Variants in EPHA6 observed in about 807,000 individuals in gnomAD.
The protein encoded by EPHA6 is EPH receptor A6, also known as ephrin type-A receptor 6.
A neutral mutation model predicts 112.0 loss-of-function variants in EPHA6; 50 were observed. The observed-to-expected ratio is 0.45, with a 90% CI of 0.36 to 0.56. The LOEUF is 0.56. Ranked by LOEUF, EPHA6 falls within the 20% of genes least tolerant of loss-of-function variation. The probability of loss-of-function intolerance (pLI) is 0.00; values close to 1 mark genes in which losing one functional copy is unlikely to be tolerated. For synonymous variants in EPHA6, 529 were observed against 490.7 expected (o/e 1.08, Z -1.03); for missense variants, 1,280 against 1,417.4 (o/e 0.90, Z 1.56).
At chr3:96,817,601 A>C (rs1267876520) in intron 1 of EPHA6, among the ~76,000 whole-genome samples, 1 of 151,924 alleles carries the variant, frequency 6.6e-6, no homozygotes, top group Admixed American at 6.6e-5. Context: ...TTAATTTTGA[A>C]ATTTGTTATT....
intron 3 of EPHA6, among the ~76,000 whole-genome samples, chr3:97,006,217 G>T (rs1198227226): frequency 6.6e-6 from 1 of 152,170 alleles, no homozygotes; most frequent in Non-Finnish European, 1.5e-5. Flanking sequence ...TGTATTTCTG[G>T]TAGAGTTCAG....
intron 1 of EPHA6, among the ~76,000 whole-genome samples, chr3:96,856,272 A>G (rs1406248619): frequency 6.6e-6 from 1 of 152,036 alleles, no homozygotes. Flanking sequence ...AGTTTATGAC[A>G]GAAGCAACCT....
intron 6 of EPHA6, 102 bp from the exon 7 acceptor site, chr3:97,448,466 T>C (rs2090422890): frequency 2.5e-6 from 3 of 1,214,912 alleles, no homozygotes; most frequent in Admixed American, 4.1e-5. Flanking sequence ...TCAATACTTT[T>C]GGTATTCAGA....
rs987950713 is a variant in EPHA6 at position 97,209,885 on chromosome 3, C to T, written c.1115-16379C>T. On this transcript the variant is annotated intron_variant, in intron 3 of 17. Transcript: ENST00000389672. ...ACAATTCATTCAATTGAATTGAATA[C>T]GATTCAATTCTAGGTTGAAAGACGA... 6.6e-5 allele frequency among the ~76,000 whole-genome samples: 10 copies of T among 152,054 alleles called. 1 individual carries two copies. Among genetic ancestry groups the T allele is most frequent in the Admixed American group, 1.3e-4 (2 of 15,264 alleles).
intron 11 of EPHA6, among the ~76,000 whole-genome samples, chr3:97,566,409 C>A (rs375753497): frequency 1.3e-5 from 2 of 152,166 alleles, no homozygotes; most frequent in African/African-American, 4.8e-5. Flanking sequence ...CTGGTCAAAT[C>A]CCTCAATTTC....
chr3:97,141,798 G>A (rs775732527), intron 3 of EPHA6, among the ~76,000 whole-genome samples: 4 of 151,808 alleles, frequency 2.6e-5, no homozygotes, highest in African/African-American at 7.3e-5. Flanking sequence ...AATCAAACCC[G>A]ACACTAGCAG....
chr3:96,962,833 A>T (rs566751965), intron 2 of EPHA6, among the ~76,000 whole-genome samples: 1 of 152,094 alleles, frequency 6.6e-6, no homozygotes, highest in Admixed American at 6.6e-5. Flanking sequence ...AATAGAAATT[A>T]GCTGAGTAAG....
intron 3 of EPHA6, among the ~76,000 whole-genome samples, chr3:97,124,591 G>A (rs535987902): frequency 1.3e-5 from 2 of 152,186 alleles, no homozygotes; most frequent in South Asian, 2.1e-4. Context: ...AGATTAGAGC[G>A]AGGTTAGTAA....
chr3:97,387,949 G>A (rs2086166725), intron 5 of EPHA6, among the ~76,000 whole-genome samples: 1 of 152,146 alleles, frequency 6.6e-6, no homozygotes, highest in Admixed American at 6.6e-5. Flanking sequence ...TCTTCACATG[G>A]CTGGCAGAAG....
chr3:97,154,231 A>T (rs551095412), intron 3 of EPHA6, among the ~76,000 whole-genome samples: 1 of 151,654 alleles, frequency 6.6e-6, no homozygotes, highest in African/African-American at 2.4e-5. Flanking sequence ...CCAAATTTGC[A>T]TATATTGGGA....
chr3:96,861,065 C>A (rs2035978722), intron 1 of EPHA6, among the ~76,000 whole-genome samples: 1 of 151,854 alleles, frequency 6.6e-6, no homozygotes, highest in Non-Finnish European at 1.5e-5. Flanking sequence ...CCCGAGTTAT[C>A]CTTTGGTCTC....
chr3:96,845,238 T>G (rs2107343216), intron 1 of EPHA6, among the ~76,000 whole-genome samples: 1 of 152,126 alleles, frequency 6.6e-6, no homozygotes, highest in South Asian at 2.1e-4. Context: ...TGTAAAAAAA[T>G]GTAAGTTGCA....
chr3:97,662,608 G>C (rs776846151), intron 14 of EPHA6, among the ~76,000 whole-genome samples: 8 of 152,130 alleles, frequency 5.3e-5, no homozygotes, highest in Non-Finnish European at 1.2e-4. Flanking sequence ...CCTTAGAGAA[G>C]AATTTTGTGG....
At chr3:97,455,295 G>A (rs886756522) in intron 7 of EPHA6, among the ~76,000 whole-genome samples, 4 of 151,850 alleles carry the variant, frequency 2.6e-5, no homozygotes, top group African/African-American at 9.7e-5. Flanking sequence ...ATCTTTTCTG[G>A]TTACCAAAAC....
At chr3:96,862,492 C>T (rs1486522177) in intron 1 of EPHA6, among the ~76,000 whole-genome samples, 3 of 151,804 alleles carry the variant, frequency 2.0e-5, no homozygotes, top group South Asian at 4.1e-4. Context: ...ATTGATAAAT[C>T]TTTGGACTCA....
At chr3:96,835,631 G>T (rs1473906785) in intron 1 of EPHA6, among the ~76,000 whole-genome samples, 5 of 152,088 alleles carry the variant, frequency 3.3e-5, no homozygotes, top group Non-Finnish European at 5.9e-5. Flanking sequence ...ATGCTAAGTG[G>T]TTTTTGCTTT....
In EPHA6 at chr3:97,514,756, A is replaced by G. The variant is rs573359567; in HGVS notation, c.2201-17602A>G. ...ATTGTTAGCCTCATAGAAGAGAAAG[A>G]GAGAGATCCCTCTCTCTCCACACTC... On this transcript the variant is annotated intron_variant, in intron 10 of 17. Transcript: ENST00000389672. 5.3e-5 allele frequency among the ~76,000 whole-genome samples: 8 copies of G among 152,234 alleles called. No homozygotes were observed. In the South Asian group the frequency reaches 1.7e-3, roughly 32 times the overall value.
At chr3:96,848,901 G>A (rs1650629636) in intron 1 of EPHA6, among the ~76,000 whole-genome samples, 1 of 151,880 alleles carries the variant, frequency 6.6e-6, no homozygotes, top group African/African-American at 2.4e-5. Context: ...TGAAAACATC[G>A]AGGTTCAGTC....
chr3:97,535,419 G>A (rs1213563519), intron 11 of EPHA6, among the ~76,000 whole-genome samples: 3 of 152,116 alleles, frequency 2.0e-5, no homozygotes, highest in Non-Finnish European at 4.4e-5. Flanking sequence ...GCATTAACTT[G>A]TTAGAGTGAG....
Sources: gnomAD v4.1 joint callset for allele counts (sites outside exome capture counted in the v4.1 genomes callset) on GRCh38, gnomAD v4.1.1 for gene constraint, MANE v1.5 for transcripts, NCBI Gene and HGNC (gene_info 2026-07-23, HGNC 2026-07-21) for gene names.